The following ARB2A variants were observed in gnomAD, a reference collection of about 807,000 sequenced individuals.
ARB2A encodes ARB2 cotranscriptional regulator A, also known as cotranscriptional regulator ARB2A.
At chr5:94,064,718 C>G in the ARB2A span, among the ~76,000 whole-genome samples, 1 of 152,284 alleles carries the variant, frequency 6.6e-6, no homozygotes, top group African/African-American at 2.4e-5. Flanking sequence ...AACTGCCAGC[C>G]AAGGATGCTA....
the ARB2A span, among the ~76,000 whole-genome samples, chr5:94,030,687 T>A: frequency 2.6e-5 from 4 of 152,234 alleles, no homozygotes; most frequent in South Asian, 2.1e-4. Context: ...CATGTTGAAA[T>A]TTAATTGCCA....
chr5:94,012,231 T>C, the ARB2A span, among the ~76,000 whole-genome samples: 11 of 152,150 alleles, frequency 7.2e-5, no homozygotes, highest in Non-Finnish European at 1.2e-4. Context: ...TGAAACCCCG[T>C]CTCTACTAAA....
At chr5:93,957,514 GTTAAT>G in the ARB2A span, among the ~76,000 whole-genome samples, 695 of 152,108 alleles carry the variant, frequency 4.6e-3, 4 homozygotes, top group Non-Finnish European at 7.2e-3. Context: ...TTTTATGTGA[GTTAAT>G]TTAGTCTAAA....
At chr5:93,931,060 C>T in the ARB2A span, among the ~76,000 whole-genome samples, 1 of 152,118 alleles carries the variant, frequency 6.6e-6, no homozygotes, top group Non-Finnish European at 1.5e-5. Context: ...TGTTCAACTC[C>T]CACTTATGAG....
chr5:93,920,082 C>G, the ARB2A span, among the ~76,000 whole-genome samples: 1 of 152,152 alleles, frequency 6.6e-6, no homozygotes. Flanking sequence ...ACAGGATTCT[C>G]TGTTGTTTTA....
At chr5:93,671,540 T>A in the ARB2A span, among the ~76,000 whole-genome samples, 65 of 152,206 alleles carry the variant, frequency 4.3e-4, no homozygotes, top group African/African-American at 1.4e-3. Context: ...TAATAAAAAG[T>A]AGGATTTACA....
At chr5:93,709,632 CA>C in the ARB2A span, among the ~76,000 whole-genome samples, 3,228 of 41,454 alleles carry the variant, frequency 0.078, 6 homozygotes, top group African/African-American at 0.12. Flanking sequence ...GACTCTGTCA[CA>C]AAAAAAAAAA....
At chr5:94,049,173 A>G in the ARB2A span, among the ~76,000 whole-genome samples, 7 of 152,334 alleles carry the variant, frequency 4.6e-5, no homozygotes, top group Admixed American at 4.6e-4. Context: ...CAGAATGACT[A>G]AAACTTTTCA....
At chr5:94,079,496 A>G in the ARB2A span, among the ~76,000 whole-genome samples, 2 of 152,218 alleles carry the variant, frequency 1.3e-5, no homozygotes, top group African/African-American at 4.8e-5. Flanking sequence ...ATTCTAACTC[A>G]GGTCTTCTGA....
At chr5:93,714,876 T>C in the ARB2A span, among the ~76,000 whole-genome samples, 1 of 152,218 alleles carries the variant, frequency 6.6e-6, no homozygotes, top group East Asian at 1.9e-4. Flanking sequence ...TTTACCCCAT[T>C]AGTCATATCA....
the ARB2A span, among the ~76,000 whole-genome samples, chr5:93,713,417 AAAG>A: frequency 1.3e-4 from 20 of 152,246 alleles, no homozygotes; most frequent in African/African-American, 4.8e-4. Flanking sequence ...ACATTTCACA[AAAG>A]AAGACATACA....
the ARB2A span, among the ~76,000 whole-genome samples, chr5:93,630,949 A>G: frequency 2.0e-5 from 3 of 151,876 alleles, no homozygotes; most frequent in African/African-American, 7.3e-5. Flanking sequence ...CTGGAGTGCA[A>G]TGGTGTGATC....
chr5:94,087,659 A>G, the ARB2A span, among the ~76,000 whole-genome samples: 1 of 152,124 alleles, frequency 6.6e-6, no homozygotes, highest in Non-Finnish European at 1.5e-5. Flanking sequence ...CCACTCACTT[A>G]CTCACTCAGA....
the ARB2A span, among the ~76,000 whole-genome samples, chr5:93,696,194 C>A: frequency 6.6e-6 from 1 of 151,982 alleles, no homozygotes. Flanking sequence ...ATAAAAAAAC[C>A]CACAAACACA....
the ARB2A span, among the ~76,000 whole-genome samples, chr5:93,844,759 T>C: frequency 6.6e-6 from 1 of 152,188 alleles, no homozygotes; most frequent in Non-Finnish European, 1.5e-5. Context: ...ATTCAAAAGA[T>C]AGATATGCTG....
chr5:93,664,653 A>T, the ARB2A span, among the ~76,000 whole-genome samples: 3 of 148,296 alleles, frequency 2.0e-5, no homozygotes, highest in Admixed American at 1.4e-4. Context: ...ATATATATAT[A>T]ATAATAATAA....
At chr5:93,769,763 G>C in the ARB2A span, among the ~76,000 whole-genome samples, 1 of 152,138 alleles carries the variant, frequency 6.6e-6, no homozygotes, top group African/African-American at 2.4e-5. Flanking sequence ...CCAGCTTCCA[G>C]AACAGTGCCT....
chr5:93,898,926 T>C, the ARB2A span, among the ~76,000 whole-genome samples: 6 of 152,254 alleles, frequency 3.9e-5, no homozygotes, highest in East Asian at 1.2e-3. Context: ...ATATTGTTCA[T>C]ATCCTTATCT....
chr5:94,046,571 A>G, the ARB2A span, among the ~76,000 whole-genome samples: 1 of 152,108 alleles, frequency 6.6e-6, no homozygotes, highest in Non-Finnish European at 1.5e-5. Context: ...CCCAGTAGAT[A>G]AGGCACCAGC....
Sources: gnomAD v4.1 joint callset for allele counts (sites outside exome capture counted in the v4.1 genomes callset) on GRCh38, gnomAD v4.1.1 for gene constraint, MANE v1.5 for transcripts, NCBI Gene and HGNC (gene_info 2026-07-23, HGNC 2026-07-21) for gene names.